RYR2: variants seen among roughly 807,000 people sequenced by gnomAD.
RYR2 encodes ryanodine receptor 2, also known as cardiac muscle ryanodine receptor-calcium release channel.
A neutral mutation model predicts 601.1 loss-of-function variants in RYR2; 227 were observed. The observed-to-expected ratio is 0.38, with a 90% CI of 0.34 to 0.42. The LOEUF (loss-of-function observed/expected upper bound fraction) is 0.42, where lower values mean the gene tolerates loss of function less well. Ranked by LOEUF, RYR2 falls within the 10% of genes least tolerant of loss-of-function variation. RYR2 has a pLI of 1.00. For synonymous variants in RYR2, 2,223 were observed against 2,175.1 expected, an observed-to-expected ratio of 1.02 and a Z score of -0.61; for missense variants, 4,646 against 6,156.5, an observed-to-expected ratio of 0.75 and a Z score of 8.21.
At chr1:237,137,649 G>C (rs968665669) in intron 1 of RYR2, among the ~76,000 whole-genome samples, 1 of 152,174 alleles carries the variant, frequency 6.6e-6, no homozygotes, top group Non-Finnish European at 1.5e-5. Flanking sequence ...TAAGATGTGC[G>C]ACGTGGCATC....
chr1:237,356,077 C>T, intron 4 of RYR2, 92 bp downstream of exon 4: 3 of 1,151,336 alleles, frequency 2.6e-6, no homozygotes, highest in Non-Finnish European at 3.8e-6. Flanking sequence ...CCTAGTGTGG[C>T]TTGTACTATT....
chr1:237,135,532 ATT>A (rs71178396), intron 1 of RYR2, among the ~76,000 whole-genome samples: 57,663 of 136,084 alleles, frequency 0.42, 13,951 homozygotes, highest in Admixed American at 0.55. Flanking sequence ...ACCACACCTA[ATT>A]TTTTTTTTTT....
intron 1 of RYR2, among the ~76,000 whole-genome samples, chr1:237,084,359 CA>C: frequency 6.6e-6 from 1 of 152,276 alleles, no homozygotes; most frequent in East Asian, 1.9e-4. Flanking sequence ...AATCAGGCTA[CA>C]TAAGCAGAAA....
At chr1:237,731,261 T>TG (rs1272186935) in intron 77 of RYR2, among the ~76,000 whole-genome samples, 1 of 152,054 alleles carries the variant, frequency 6.6e-6, no homozygotes, top group East Asian at 1.9e-4. Context: ...GCTAAGTCAG[T>TG]GGAGATATAA....
intron 71 of RYR2, among the ~76,000 whole-genome samples, chr1:237,712,416 C>T (rs1688921195): frequency 1.3e-5 from 2 of 151,878 alleles, no homozygotes. Context: ...AGCAAGCTCC[C>T]CAAACCAAGG....
chr1:237,449,934 A>G (rs1219644136), intron 14 of RYR2, among the ~76,000 whole-genome samples: 31 of 151,942 alleles, frequency 2.0e-4, no homozygotes, highest in Admixed American at 2.0e-3. Flanking sequence ...CTGTTAAGTT[A>G]CCTAGGAAGA....
chr1:237,196,048 A>G (rs1680523262), intron 1 of RYR2, among the ~76,000 whole-genome samples: 1 of 152,224 alleles, frequency 6.6e-6, no homozygotes. Context: ...GCGACCTTTT[A>G]AGGACATCGT....
At chr1:237,705,784 G>A (rs79221941) in intron 67 of RYR2, among the ~76,000 whole-genome samples, 106 of 152,324 alleles carry the variant, frequency 7.0e-4, no homozygotes, top group East Asian at 3.9e-3. Flanking sequence ...TAGATCCATC[G>A]TGTTTTAGTT....
chr1:237,047,385 T>G (rs1660718211), intron 1 of RYR2, among the ~76,000 whole-genome samples: 1 of 118,780 alleles, frequency 8.4e-6, no homozygotes, highest in Non-Finnish European at 1.7e-5. Context: ...CCATCCTTTC[T>G]AGCCTTTTTT....
At chr1:237,456,510 A>G (rs1259768313) in intron 15 of RYR2, 90 bp from the exon 16 acceptor site, 1 of 1,349,848 alleles carries the variant, frequency 7.4e-7, no homozygotes, top group Non-Finnish European at 9.7e-7. Flanking sequence ...TCAGACTTCT[A>G]TTTTTAAATC....
chr1:237,625,342 G>A (rs1015212304), intron 39 of RYR2, among the ~76,000 whole-genome samples: 8 of 152,130 alleles, frequency 5.3e-5, no homozygotes, highest in South Asian at 2.1e-4. Context: ...TCTGAAGTCC[G>A]AGATGCCCAA....
intron 2 of RYR2, among the ~76,000 whole-genome samples, chr1:237,301,079 A>G (rs1353156899): frequency 1.3e-5 from 2 of 152,148 alleles, no homozygotes. Flanking sequence ...GGCTTTAAGT[A>G]TATGCTGACT....
In RYR2 at chr1:237,756,314, T is replaced by C; in HGVS notation, c.11172T>C (p.Leu3724=). Residue 3724 remains leucine (L), a synonymous_variant, in exon 81 of 105, where the codon CTT becomes CTC. Transcript: ENST00000366574. ...AAAAAGAAATGGAAAAGCAAAAGCT[T>C]CTATACCAGCAAGCCCGACTCCACG... ...FEEKEMEKQK[L]LYQQARLHDR... 6.2e-7 allele frequency: 1 copy of C among 1,613,482 alleles called. No homozygotes were observed. Among genetic ancestry groups the C allele is most frequent in the Non-Finnish European group, 8.5e-7 (1 of 1,179,552 alleles).
Position 237,828,992 on chromosome 1 carries a change from CA to C in RYR2, c.14655+548del, listed in dbSNP as rs1663472100. ...CCATTCACAGTGGGACCTTTGAGCC[CA>C]TCACCACCTGAAATTATATACCAAG... is the stretch of plus-strand genomic sequence containing the variant. On this transcript the variant is annotated intron_variant, in intron 102 of 104. Coordinates refer to ENST00000366574, the MANE Select transcript of RYR2 (RefSeq NM_001035.3). 2.0e-5 allele frequency among the ~76,000 whole-genome samples: 3 copies of C among 152,160 alleles called. No individual in the cohort carries two copies. In the South Asian group the frequency reaches 6.2e-4, roughly 32 times the overall value.
At chr1:237,806,406 C>A in intron 99 of RYR2, 123 bp downstream of exon 99, 1 of 909,162 alleles carries the variant, frequency 1.1e-6, no homozygotes, top group Non-Finnish European at 1.7e-6. Context: ...AAGGGAGGGT[C>A]TGCACCTGTT....
rs2148666530 is a variant in RYR2, at chr1:237,627,811, T to G, written c.6171T>G (p.Thr2057=). 5.6e-6 allele frequency: 9 copies of G among 1,599,792 alleles called. No homozygotes were observed. The highest frequency in any genetic ancestry group is 7.7e-6 in the Non-Finnish European group (9 of 1,169,558). ...PVESDSKKSS[T]LQQLISETMV... ...ATATCCATAATGACTTTGCAGCCAC[T>G]CTGCAGCAGCTGATTTCTGAGACCA... The change falls in exon 41 of 105, where the codon ACT becomes ACG. Residue 2057 remains threonine, a synonymous_variant. Transcript: ENST00000366574.
chr1:237,661,663 G>C (rs1236221336), intron 56 of RYR2, among the ~76,000 whole-genome samples: 1 of 152,124 alleles, frequency 6.6e-6, no homozygotes, highest in Admixed American at 6.6e-5. Context: ...AGGGTGTTCA[G>C]ACAGTCATGA....
At chr1:237,418,181 T>C (rs1433620029) in intron 11 of RYR2, among the ~76,000 whole-genome samples, 1 of 152,132 alleles carries the variant, frequency 6.6e-6, no homozygotes, top group Admixed American at 6.5e-5. Context: ...TAGCTGGGAC[T>C]ACAGGCACCT....
intron 3 of RYR2, among the ~76,000 whole-genome samples, chr1:237,340,702 A>T (rs1697697463): frequency 6.6e-6 from 1 of 152,224 alleles, no homozygotes; most frequent in Non-Finnish European, 1.5e-5. Context: ...TAATTAGATT[A>T]TAATGCCAAT....
Sources: gnomAD v4.1 joint callset for allele counts (sites outside exome capture counted in the v4.1 genomes callset) on GRCh38, gnomAD v4.1.1 for gene constraint, MANE v1.5 for transcripts, NCBI Gene and HGNC (gene_info 2026-07-23, HGNC 2026-07-21) for gene names.